The following CABIN1 variants were observed in gnomAD, a reference collection of about 807,000 sequenced individuals.
CABIN1 encodes calcineurin-binding protein cabin-1.
In CABIN1, 133 loss-of-function variants were observed where a neutral mutation model predicts 227.7. The observed-to-expected ratio is 0.58, with a 90% CI of 0.51 to 0.67. CABIN1 has a LOEUF of 0.67. Ranked by LOEUF, CABIN1 falls within the 30% of genes least tolerant of loss-of-function variation. The pLI is 0.00. For missense variants in CABIN1, 2,408 were observed against 2,852.5 expected, an observed-to-expected ratio of 0.84 and a Z score of 3.55; for synonymous variants, 1,086 against 1,155.1, an observed-to-expected ratio of 0.94 and a Z score of 1.21.
intron 29 of CABIN1, chr22:24,156,201 C>A (rs989993043): frequency 7.7e-6 from 3 of 389,750 alleles, no homozygotes; most frequent in African/African-American, 2.1e-5. Context: ...TTTGCTCAAT[C>A]GTCCCCTGGT....
Position 24,067,003 on chromosome 22 carries a change from A to G in CABIN1, c.2054A>G (p.Lys685Arg). ...CTTTTTCAGATTGATAAGAACCTGA[A>G]GTCGCTGGAGCGGTGCCAGTCCCTG... The part of the protein sequence containing the change: ...VSLEEIDKNL[K>R]SLERCQSLEE... Residue 685 changes from lysine (K) to arginine (R), a missense_variant, in exon 16 of 37, where the codon AAG (lysine) becomes AGG (arginine). Lys to Arg is a conservative substitution (Grantham distance 26). This residue lies in a region of CABIN1 where 1,045 missense variants were observed against 1,168.4 expected (regional missense o/e 0.89). Transcript: ENST00000263119. 1 of 1,614,220 alleles carries G rather than the reference A, an allele frequency of 6.2e-7. No individual in the cohort carries two copies. The highest frequency in any genetic ancestry group is 8.5e-7 in the Non-Finnish European group (1 of 1,180,032).
chr22:24,096,503 G>C (rs1442306168), intron 25 of CABIN1, among the ~76,000 whole-genome samples: 1 of 152,222 alleles, frequency 6.6e-6, no homozygotes, highest in Admixed American at 6.5e-5. Flanking sequence ...GGAAGTGTGG[G>C]AAGTGTGGGC....
At chr22:24,071,947 T>C (rs549076210) in intron 17 of CABIN1, among the ~76,000 whole-genome samples, 1 of 152,262 alleles carries the variant, frequency 6.6e-6, no homozygotes, top group Admixed American at 6.5e-5. Flanking sequence ...AATAAGGCTC[T>C]CACCTGTCTG....
intron 10 of CABIN1, chr22:24,056,652 G>A: frequency 2.5e-6 from 1 of 393,130 alleles, no homozygotes; most frequent in South Asian, 2.9e-5. Flanking sequence ...TCTATTTGTT[G>A]CTGGGAGGCA....
At chr22:24,084,820 G>A (rs766227547) in intron 21 of CABIN1, 35 bp downstream of exon 21, 2 of 1,601,930 alleles carry the variant, frequency 1.2e-6, no homozygotes, top group Non-Finnish European at 1.7e-6. Flanking sequence ...GGGGGACAGG[G>A]CTGGGTCACA....
intron 26 of CABIN1, among the ~76,000 whole-genome samples, chr22:24,112,375 C>T (rs1197459630): frequency 6.6e-6 from 1 of 152,202 alleles, no homozygotes; most frequent in Non-Finnish European, 1.5e-5. Flanking sequence ...TCATAGCTCA[C>T]TGCAGCCTTA....
chr22:24,089,558 C>G (rs896851276), intron 23 of CABIN1, among the ~76,000 whole-genome samples: 1 of 152,144 alleles, frequency 6.6e-6, no homozygotes, highest in African/African-American at 2.4e-5. Context: ...TCATAGTTGC[C>G]GAGGGTGAAA....
intron 1 of CABIN1, among the ~76,000 whole-genome samples, chr22:24,027,356 CACTTA>C (rs1464882562): frequency 6.6e-6 from 1 of 152,148 alleles, no homozygotes; most frequent in Non-Finnish European, 1.5e-5. Context: ...AATCTCTTTC[CACTTA>C]ACTTATTTTT....
chr22:24,060,570 A>G (rs916798818), intron 12 of CABIN1, among the ~76,000 whole-genome samples: 1 of 152,016 alleles, frequency 6.6e-6, no homozygotes, highest in Non-Finnish European at 1.5e-5. Context: ...GAGGAAAGGG[A>G]AACATTTGGT....
intron 29 of CABIN1, among the ~76,000 whole-genome samples, chr22:24,148,840 G>T (rs1010622217): frequency 6.6e-6 from 1 of 152,234 alleles, no homozygotes; most frequent in Non-Finnish European, 1.5e-5. Context: ...CCCAGCGGAG[G>T]CTGTGGGCTC....
chr22:24,058,993 C>G (rs985016395), intron 10 of CABIN1, among the ~76,000 whole-genome samples: 2 of 152,310 alleles, frequency 1.3e-5, no homozygotes, highest in African/African-American at 2.4e-5. Context: ...AGCTGGTGCT[C>G]GGTAATCATC....
intron 26 of CABIN1, 133 bp downstream of exon 26, chr22:24,098,325 C>G: frequency 6.5e-7 from 1 of 1,538,332 alleles, no homozygotes; most frequent in Non-Finnish European, 8.8e-7. Context: ...GGCAATGTTG[C>G]GGCTGCTCAT....
intron 10 of CABIN1, among the ~76,000 whole-genome samples, chr22:24,056,882 C>G (rs191030678): frequency 7.9e-5 from 12 of 151,810 alleles, no homozygotes; most frequent in Admixed American, 2.6e-4. Context: ...CCAGGCTCCC[C>G]AGAGCTGGGA....
intron 19 of CABIN1, 71 bp downstream of exon 19, chr22:24,076,355 G>C (rs758734730): frequency 5.2e-5 from 66 of 1,274,056 alleles, no homozygotes; most frequent in Middle Eastern, 3.8e-4. Flanking sequence ...GAATGGGAAG[G>C]GGACAGATTC....
intron 1 of CABIN1, among the ~76,000 whole-genome samples, chr22:24,027,285 A>AT (rs746225058): frequency 6.6e-6 from 1 of 152,030 alleles, no homozygotes; most frequent in Non-Finnish European, 1.5e-5. Flanking sequence ...ATTACTTGAG[A>AT]TTTTCTATGA....
intron 2 of CABIN1, 40 bp from the exon 3 acceptor site, chr22:24,036,049 T>G (rs2036857609): frequency 7.1e-7 from 1 of 1,402,312 alleles, no homozygotes; most frequent in African/African-American, 1.4e-5. Context: ...GAGTGACATC[T>G]CAAAGCAACT....
intron 3 of CABIN1, among the ~76,000 whole-genome samples, chr22:24,036,870 G>C (rs2036934969): frequency 6.6e-6 from 1 of 152,280 alleles, no homozygotes; most frequent in African/African-American, 2.4e-5. Flanking sequence ...AGGCATGTCA[G>C]TGAGGCTCAA....
At chr22:24,167,581 G>C (rs1364739941) in intron 32 of CABIN1, among the ~76,000 whole-genome samples, 1 of 152,192 alleles carries the variant, frequency 6.6e-6, no homozygotes, top group Non-Finnish European at 1.5e-5. Context: ...TGGGCCTCTG[G>C]GTACATCTTA....
At chr22:24,063,192 G>C in intron 14 of CABIN1, 46 bp downstream of exon 14, 1 of 1,587,372 alleles carries the variant, frequency 6.3e-7, no homozygotes, top group Non-Finnish European at 8.6e-7. Flanking sequence ...CTGACACCCA[G>C]CAGGGTGGGC....
Sources: allele counts gnomAD v4.1 joint callset (sites outside exome capture counted in the v4.1 genomes callset), GRCh38; gene constraint gnomAD v4.1.1; regional missense constraint gnomAD v4.1.1; transcripts MANE v1.5; gene names NCBI Gene and HGNC (gene_info 2026-07-23, HGNC 2026-07-21).